KIAA1217: variants seen among roughly 807,000 people sequenced by gnomAD.
KIAA1217 encodes KIAA1217, also known as sickle tail protein homolog.
In KIAA1217, 88 loss-of-function variants were observed where a neutral mutation model predicts 163.9. The observed-to-expected ratio is 0.54, with a 90% CI of 0.45 to 0.64. The LOEUF is 0.64. Ranked by LOEUF, KIAA1217 falls within the 30% of genes least tolerant of loss-of-function variation. The probability of loss-of-function intolerance (pLI) is 0.00; values close to 1 mark genes in which losing one functional copy is unlikely to be tolerated. For synonymous variants in KIAA1217, 903 were observed against 923.1 expected (o/e 0.98, Z 0.39); for missense variants, 2,372 against 2,475.0 (o/e 0.96, Z 0.88).
intron 2 of KIAA1217, among the ~76,000 whole-genome samples, chr10:24,095,072 C>G (rs939104557): frequency 1.3e-5 from 2 of 152,222 alleles, no homozygotes; most frequent in African/African-American, 4.8e-5. Flanking sequence ...TGCGCCGTTT[C>G]CTAAGCCCGT....
intron 2 of KIAA1217, among the ~76,000 whole-genome samples, chr10:24,223,368 G>T (rs750269385): frequency 6.6e-6 from 1 of 152,116 alleles, no homozygotes; most frequent in Non-Finnish European, 1.5e-5. Flanking sequence ...CTCATCTTCT[G>T]TCTTTTCCAC....
At chr10:23,971,703 A>C (rs758791430) in intron 1 of KIAA1217, among the ~76,000 whole-genome samples, 1 of 152,218 alleles carries the variant, frequency 6.6e-6, no homozygotes, top group Non-Finnish European at 1.5e-5. Flanking sequence ...ATGGTCCTGC[A>C]AAGCTATCTC....
intron 1 of KIAA1217, among the ~76,000 whole-genome samples, chr10:23,737,145 T>C (rs1319732119): frequency 6.6e-6 from 1 of 152,246 alleles, no homozygotes; most frequent in Non-Finnish European, 1.5e-5. Context: ...ATATATTTAT[T>C]ACCAGATTTT....
rs1170144059 is a variant in KIAA1217, at chr10:24,484,224, C to CATATATATATATATATATATATAT, written c.1679+10182_1679+10183insATATATATATATATATATATATAT. ...ACATATATATAGATAGATAGATATA[C>CATATATATATATATATATATATAT]ATATATATATATATATATTTTTTTT... is the stretch of plus-strand genomic sequence containing the variant. On this transcript the variant is annotated intron_variant, in intron 6 of 20. Coordinates refer to ENST00000376454, the MANE Select transcript of KIAA1217 (RefSeq NM_019590.5). 4.4e-5 allele frequency among the ~76,000 whole-genome samples: 4 copies of CATATATATATATATATATATATAT among 90,530 alleles called. No homozygotes were observed. In the South Asian group the frequency reaches 1.4e-3, roughly 31 times the overall value. The allele number at this position is 90,530 out of a possible 152,430, so 59.4% of individuals were successfully genotyped here.
chr10:24,417,898 T>A (rs1186274330), intron 3 of KIAA1217, among the ~76,000 whole-genome samples: 3 of 150,814 alleles, frequency 2.0e-5, no homozygotes, highest in Non-Finnish European at 4.4e-5. Flanking sequence ...TTAAGTGGAA[T>A]AAAAGTATAA....
At chr10:23,847,302 A>G (rs1839086011) in intron 1 of KIAA1217, among the ~76,000 whole-genome samples, 1 of 152,124 alleles carries the variant, frequency 6.6e-6, no homozygotes, top group Non-Finnish European at 1.5e-5. Flanking sequence ...ATAGTTTCAG[A>G]AGAAATGGTA....
At chr10:24,108,826 CTTTGTTTTGT>C (rs1004375976) in intron 2 of KIAA1217, among the ~76,000 whole-genome samples, 1 of 152,004 alleles carries the variant, frequency 6.6e-6, no homozygotes, top group South Asian at 2.1e-4. Context: ...GTTCTCAAAA[CTTTGTTTTGT>C]TTTGTTTTGT....
intron 2 of KIAA1217, among the ~76,000 whole-genome samples, chr10:24,184,195 T>C (rs1482226402): frequency 6.6e-6 from 1 of 152,218 alleles, no homozygotes; most frequent in Non-Finnish European, 1.5e-5. Context: ...GGGTGGAATG[T>C]GTACGTATGG....
At chr10:24,447,120 T>G (rs1015670454) in intron 5 of KIAA1217, among the ~76,000 whole-genome samples, 1 of 152,164 alleles carries the variant, frequency 6.6e-6, no homozygotes, top group Admixed American at 6.5e-5. Flanking sequence ...TTCACCTCCC[T>G]GCCCCGCTCT....
intron 5 of KIAA1217, among the ~76,000 whole-genome samples, chr10:24,458,288 C>T (rs538057312): frequency 2.6e-5 from 4 of 152,326 alleles, no homozygotes; most frequent in South Asian, 2.1e-4. Context: ...ACTGAAAACA[C>T]GAAGGTATTC....
intron 2 of KIAA1217, among the ~76,000 whole-genome samples, chr10:24,080,803 T>C (rs532374206): frequency 6.8e-6 from 1 of 147,426 alleles, no homozygotes; most frequent in African/African-American, 2.7e-5. Context: ...TCTTACAATA[T>C]TAATAGTTTA....
chr10:23,886,755 A>C (rs1420912779), intron 1 of KIAA1217, among the ~76,000 whole-genome samples: 1 of 151,822 alleles, frequency 6.6e-6, no homozygotes, highest in Non-Finnish European at 1.5e-5. Context: ...TTTATATTTT[A>C]AAAGTATTTA....
At chr10:24,241,484 C>T (rs1033866435) in intron 2 of KIAA1217, among the ~76,000 whole-genome samples, 4 of 152,150 alleles carry the variant, frequency 2.6e-5, no homozygotes, top group African/African-American at 9.7e-5. Flanking sequence ...ACTGCACAGA[C>T]TTAAAATTTT....
intron 1 of KIAA1217, among the ~76,000 whole-genome samples, chr10:23,764,847 A>G (rs952905629): frequency 6.6e-6 from 1 of 152,182 alleles, no homozygotes; most frequent in East Asian, 1.9e-4. Context: ...AGGTGCAGCA[A>G]ACCACCATGG....
At chr10:24,104,529 A>T (rs1169432012) in intron 2 of KIAA1217, among the ~76,000 whole-genome samples, 3 of 152,220 alleles carry the variant, frequency 2.0e-5, no homozygotes, top group Non-Finnish European at 2.9e-5. Flanking sequence ...AGGGATGAAT[A>T]GGTGGAGCAC....
chr10:23,950,575 A>G (rs1043859973), intron 1 of KIAA1217, among the ~76,000 whole-genome samples: 2 of 152,128 alleles, frequency 1.3e-5, no homozygotes, highest in Non-Finnish European at 2.9e-5. Flanking sequence ...AATAATATAC[A>G]AAATAATTAT....
At chr10:24,240,856 T>C (rs532572228) in intron 2 of KIAA1217, among the ~76,000 whole-genome samples, 3 of 144,826 alleles carry the variant, frequency 2.1e-5, no homozygotes, top group East Asian at 4.0e-4. Context: ...GCTAGTAGTC[T>C]TTTTTTTTTT....
intron 1 of KIAA1217, among the ~76,000 whole-genome samples, chr10:23,953,390 C>G (rs972722549): frequency 6.6e-6 from 1 of 152,180 alleles, no homozygotes; most frequent in African/African-American, 2.4e-5. Context: ...ATATGGCTCT[C>G]AACATACCAA....
At chr10:23,780,248 C>G (rs1296636072) in intron 1 of KIAA1217, among the ~76,000 whole-genome samples, 1 of 152,132 alleles carries the variant, frequency 6.6e-6, no homozygotes, top group East Asian at 1.9e-4. Flanking sequence ...TCCATTGTCT[C>G]TCATAGTTAT....
Sources: gnomAD v4.1 joint callset for allele counts (sites outside exome capture counted in the v4.1 genomes callset) on GRCh38, gnomAD v4.1.1 for gene constraint, MANE v1.5 for transcripts, NCBI Gene and HGNC (gene_info 2026-07-23, HGNC 2026-07-21) for gene names.